Variants in DNAH5 observed in about 807,000 individuals in gnomAD.
DNAH5 encodes axonemal beta dynein heavy chain 5.
Under a neutral mutation model 518.2 loss-of-function variants are expected in DNAH5, and 372 were observed. That is an observed-to-expected ratio of 0.72 (90% CI 0.66 to 0.78). The LOEUF (loss-of-function observed/expected upper bound fraction) is 0.78. Among genes scored for constraint, DNAH5 ranks in the 30% least tolerant of loss-of-function variants. The pLI, the probability that DNAH5 is intolerant of heterozygous loss-of-function variation, is 0.00. For synonymous variants in DNAH5, 2,039 were observed against 2,025.9 expected (o/e 1.01, Z -0.17); for missense variants, 5,523 against 5,687.0 (o/e 0.97, Z 0.93).
intron 1 of DNAH5, among the ~76,000 whole-genome samples, chr5:13,949,993 C>T (rs1454857906): frequency 2.0e-5 from 3 of 152,314 alleles, no homozygotes; most frequent in Admixed American, 1.3e-4. Flanking sequence ...CAGGTAACTT[C>T]TGGCTCCAAG....
chr5:13,882,868 T>C, intron 20 of DNAH5, 36 bp downstream of exon 20: 2 of 1,614,050 alleles, frequency 1.2e-6, no homozygotes, highest in Non-Finnish European at 1.7e-6. Flanking sequence ...AAAGAAGTGG[T>C]TTCCATATGA....
At chr5:13,983,442 T>C (rs1394907384) in intron 1 of DNAH5, among the ~76,000 whole-genome samples, 1 of 152,176 alleles carries the variant, frequency 6.6e-6, no homozygotes, top group African/African-American at 2.4e-5. Flanking sequence ...GCTATTGATA[T>C]TTACTGTACA....
At chr5:13,728,433 G>T (rs1746046517) in intron 69 of DNAH5, among the ~76,000 whole-genome samples, 1 of 152,136 alleles carries the variant, frequency 6.6e-6, no homozygotes, top group Non-Finnish European at 1.5e-5. Context: ...TATTTAGAAA[G>T]TACCATGTAA....
chr5:13,773,876 G>C (rs1753695539), intron 55 of DNAH5, among the ~76,000 whole-genome samples: 1 of 151,704 alleles, frequency 6.6e-6, no homozygotes, highest in South Asian at 2.1e-4. Context: ...GAGTGGGTGG[G>C]GAGAAATAGG....
intron 75 of DNAH5, among the ~76,000 whole-genome samples, chr5:13,713,124 T>TATATATATATATATATATATACACACAC (rs1554018603): frequency 3.8e-4 from 56 of 146,596 alleles, no homozygotes; most frequent in African/African-American, 1.4e-3. Flanking sequence ...TATATATATA[T>TATATATATATATATATATATACACACAC]ACACACACAC....
intron 69 of DNAH5, among the ~76,000 whole-genome samples, chr5:13,728,894 G>A (rs913812020): frequency 6.6e-6 from 1 of 152,120 alleles, no homozygotes; most frequent in Non-Finnish European, 1.5e-5. Flanking sequence ...AGTTCATCAG[G>A]AGCTGGCTGA....
intron 75 of DNAH5, 150 bp from the exon 76 acceptor site, chr5:13,708,485 AAAG>A: frequency 1.5e-5 from 12 of 778,034 alleles, no homozygotes; most frequent in Admixed American, 2.8e-5. Context: ...AGAAAAAAAA[AAAG>A]AAAAGAAAAC....
chr5:13,814,260 T>C (rs1257717939), intron 43 of DNAH5, among the ~76,000 whole-genome samples: 4 of 152,204 alleles, frequency 2.6e-5, no homozygotes. Context: ...TATGTGAATG[T>C]GTACCTTTCA....
intron 61 of DNAH5, among the ~76,000 whole-genome samples, chr5:13,755,349 A>G (rs1179229407): frequency 6.6e-6 from 1 of 152,218 alleles, no homozygotes; most frequent in Non-Finnish European, 1.5e-5. Context: ...CTCTGAAGCC[A>G]TAAAAAAATC....
intron 10 of DNAH5, 104 bp downstream of exon 10, chr5:13,914,416 C>A: frequency 7.5e-7 from 1 of 1,340,642 alleles, no homozygotes; most frequent in Non-Finnish European, 1.0e-6. Context: ...AATCACTGTT[C>A]TTTTTATCAA....
At chr5:13,711,886 T>A (rs574560802) in intron 75 of DNAH5, among the ~76,000 whole-genome samples, 1 of 152,118 alleles carries the variant, frequency 6.6e-6, no homozygotes, top group Non-Finnish European at 1.5e-5. Flanking sequence ...CACAAACAAA[T>A]GGAAATACAT....
chr5:13,901,382 A>G lies in DNAH5; in HGVS notation c.1922T>C (p.Met641Thr), dbSNP rs577898922. The change falls in exon 14 of 79, where the codon ATG becomes ACG. Residue 641 changes from methionine (M) to threonine (T), a missense_variant. Physicochemically the swap from Met to Thr is moderately conservative, Grantham distance 81. Coordinates refer to ENST00000265104, the MANE Select transcript of DNAH5 (RefSeq NM_001369.3). ...AGCTGGGTGCTGCTGGAAAAGCTGCATGGGCTGCTGAATCCTATGGAAGAG... is the reference window on the plus strand; with the variant it reads ...AGCTGGGTGCTGCTGGAAAAGCTGCGTGGGCTGCTGAATCCTATGGAAGAG... ...RQLFHRIQQP[M>T]QLFQQHPAVL... The G allele has an allele frequency of 6.2e-7, 1 of 1,614,162 alleles. No homozygotes were observed. The highest frequency in any genetic ancestry group is 2.2e-5 in the East Asian group (1 of 44,874).
chr5:13,951,231 T>C (rs1780381469), intron 1 of DNAH5, among the ~76,000 whole-genome samples: 1 of 108,626 alleles, frequency 9.2e-6, no homozygotes, highest in Non-Finnish European at 1.8e-5. Flanking sequence ...TTTTTTTTTT[T>C]TTTGAAGCAG....
chr5:13,703,113 C>G (rs1263889748), intron 76 of DNAH5, among the ~76,000 whole-genome samples: 2 of 152,126 alleles, frequency 1.3e-5, no homozygotes, highest in African/African-American at 4.8e-5. Flanking sequence ...CTGGAACATT[C>G]TCTCCATCCC....
In DNAH5 at chr5:13,809,206, T is replaced by A. The variant is rs374222401; in HGVS notation, c.7610-20A>T. The A allele has an allele frequency of 5.6e-6, 9 of 1,613,676 alleles. No homozygotes were observed. The African/African-American group carries it at 1.2e-4, about 22-fold the overall frequency. On this transcript the variant is annotated intron_variant, in intron 45 of 78. Coordinates refer to ENST00000265104, the MANE Select transcript of DNAH5 (RefSeq NM_001369.3). The stretch of plus-strand genomic sequence containing the variant: ...ATGTACCTAAGGTGAGCAGAGGACA[T>A]TTCCATCTCCATATTAATAATTCAA...
chr5:13,722,747 A>G (rs910283327), intron 70 of DNAH5, among the ~76,000 whole-genome samples: 1 of 152,214 alleles, frequency 6.6e-6, no homozygotes, highest in Non-Finnish European at 1.5e-5. Context: ...CAGCTGGACC[A>G]TTTTACTGTG....
intron 30 of DNAH5, among the ~76,000 whole-genome samples, chr5:13,852,510 C>T (rs1330456691): frequency 6.6e-6 from 1 of 152,116 alleles, no homozygotes; most frequent in Non-Finnish European, 1.5e-5. Context: ...TGGGATGCCA[C>T]TGAGGCAGAA....
At chr5:13,779,096 C>A (rs921428081) in intron 53 of DNAH5, among the ~76,000 whole-genome samples, 1 of 152,180 alleles carries the variant, frequency 6.6e-6, no homozygotes, top group East Asian at 1.9e-4. Flanking sequence ...TACTAACTCA[C>A]GAGGTTTTTT....
At chr5:13,867,476 G>A (rs1472692487) in intron 25 of DNAH5, among the ~76,000 whole-genome samples, 1 of 152,020 alleles carries the variant, frequency 6.6e-6, no homozygotes, top group Non-Finnish European at 1.5e-5. Flanking sequence ...CACCATGATT[G>A]TAAGTTTCGT....
Sources: gnomAD v4.1 joint callset for allele counts (sites outside exome capture counted in the v4.1 genomes callset) on GRCh38, gnomAD v4.1.1 for gene constraint, MANE v1.5 for transcripts, NCBI Gene and HGNC (gene_info 2026-07-23, HGNC 2026-07-21) for gene names.